IMPG1: variants seen among roughly 807,000 people sequenced by gnomAD.
IMPG1 encodes interphotoreceptor matrix proteoglycan 1, also known as interphotoreceptor matrix proteoglycan of 150 kDa.
In IMPG1, 85 loss-of-function variants were observed where a neutral mutation model predicts 92.0. The observed-to-expected ratio is 0.92, with a 90% confidence interval of 0.78 to 1.11. The LOEUF is 1.11. IMPG1 is among the 50% of genes least tolerant of loss of function. The pLI is 0.00. For missense variants in IMPG1, 1,022 were observed against 956.0 expected (o/e 1.07, Z -0.91); for synonymous variants, 367 against 334.1 (o/e 1.10, Z -1.08).
chr6:75,931,329 T>A (rs1282302140), intron 14 of IMPG1, among the ~76,000 whole-genome samples, 178 bp from the exon 15 acceptor site: 1 of 152,200 alleles, frequency 6.6e-6, no homozygotes, highest in Non-Finnish European at 1.5e-5. Context: ...AAAAATGAAT[T>A]TACAGACACA....
intron 4 of IMPG1, among the ~76,000 whole-genome samples, chr6:76,029,228 C>T (rs545315907): frequency 1.1e-4 from 16 of 152,344 alleles, no homozygotes; most frequent in African/African-American, 2.9e-4. Flanking sequence ...GAGGGGATCA[C>T]CCAACTCACA....
At chr6:75,928,025 AAAGAG>A (rs1398930829) in intron 15 of IMPG1, among the ~76,000 whole-genome samples, 2 of 152,126 alleles carry the variant, frequency 1.3e-5, no homozygotes, top group Non-Finnish European at 2.9e-5. Flanking sequence ...CTCACTAAAG[AAAGAG>A]AAATGTTTAA....
chr6:76,005,816 T>C (rs926178032), intron 9 of IMPG1, among the ~76,000 whole-genome samples: 1 of 151,716 alleles, frequency 6.6e-6, no homozygotes, highest in Admixed American at 6.6e-5. Flanking sequence ...ATTTTTACTT[T>C]AGGTTTTTTT....
intron 15 of IMPG1, among the ~76,000 whole-genome samples, chr6:75,929,562 G>A (rs530785432): frequency 8.3e-6 from 1 of 121,104 alleles, no homozygotes; most frequent in Admixed American, 8.8e-5. Context: ...GGTGGGGGGA[G>A]GGGGGAGGGA....
intron 1 of IMPG1, among the ~76,000 whole-genome samples, chr6:76,056,590 T>A (rs1784124167): frequency 6.6e-6 from 1 of 152,176 alleles, no homozygotes; most frequent in Admixed American, 6.6e-5. Context: ...TATTTTTAAT[T>A]TTTTGAAGAA....
chr6:75,938,398 G>T (rs1368844391), intron 14 of IMPG1, among the ~76,000 whole-genome samples: 1 of 152,152 alleles, frequency 6.6e-6, no homozygotes, highest in Non-Finnish European at 1.5e-5. Context: ...TTTCTACCCT[G>T]ACATTAAGCA....
At chr6:75,956,980 C>A (rs1476330053) in intron 12 of IMPG1, among the ~76,000 whole-genome samples, 5 of 152,090 alleles carry the variant, frequency 3.3e-5, no homozygotes, top group Middle Eastern at 3.2e-3. Flanking sequence ...AGTGCAGTGG[C>A]ATGATCTCAG....
chr6:75,955,254 G>A (rs1195387171), intron 12 of IMPG1, among the ~76,000 whole-genome samples: 5 of 152,174 alleles, frequency 3.3e-5, no homozygotes, highest in African/African-American at 1.2e-4. Context: ...AGAATGGAAT[G>A]TTTTTCCGTT....
At chr6:75,985,478 T>TA (rs2149471182) in intron 12 of IMPG1, among the ~76,000 whole-genome samples, 1 of 152,182 alleles carries the variant, frequency 6.6e-6, no homozygotes, top group African/African-American at 2.4e-5. Context: ...GCTGAGTCAT[T>TA]AGAGAAGAAA....
intron 14 of IMPG1, among the ~76,000 whole-genome samples, chr6:75,939,959 G>A (rs533812661): frequency 6.6e-6 from 1 of 152,150 alleles, no homozygotes; most frequent in Non-Finnish European, 1.5e-5. Flanking sequence ...CTTTTGTAAA[G>A]CATTCTGATG....
At chr6:76,032,081 T>C (rs897837473) in intron 4 of IMPG1, among the ~76,000 whole-genome samples, 14 of 152,242 alleles carry the variant, frequency 9.2e-5, no homozygotes, top group African/African-American at 3.4e-4. Context: ...TTTCTTTCTT[T>C]TTTGAAAACA....
intron 2 of IMPG1, among the ~76,000 whole-genome samples, chr6:76,038,754 G>A (rs1309659126): frequency 6.6e-6 from 1 of 152,144 alleles, no homozygotes; most frequent in Non-Finnish European, 1.5e-5. Context: ...CACAGTTGCC[G>A]GCCAATGCCT....
At chr6:75,988,718 C>T (rs773313353) in intron 12 of IMPG1, among the ~76,000 whole-genome samples, 3 of 152,136 alleles carry the variant, frequency 2.0e-5, no homozygotes, top group Admixed American at 1.3e-4. Flanking sequence ...CCTCCTTTCC[C>T]TGAACTAGCA....
intron 12 of IMPG1, among the ~76,000 whole-genome samples, chr6:76,002,358 G>T (rs1415635473): frequency 6.6e-6 from 1 of 152,104 alleles, no homozygotes; most frequent in Non-Finnish European, 1.5e-5. Context: ...TAACCTTCTT[G>T]GAGATTCAAA....
chr6:75,961,785 C>A (rs1458551853), intron 12 of IMPG1, among the ~76,000 whole-genome samples: 1 of 152,204 alleles, frequency 6.6e-6, no homozygotes, highest in African/African-American at 2.4e-5. Context: ...GGGAGAACAG[C>A]ATGGCCACAG....
chr6:75,999,077 G>A (rs138607329), intron 12 of IMPG1, among the ~76,000 whole-genome samples: 4,612 of 151,988 alleles, frequency 0.03, 220 homozygotes, highest in African/African-American at 0.1. Flanking sequence ...GGCTGGTCTC[G>A]AACTCCTGAC....
At chr6:76,035,808 T>C (rs748058470) in intron 2 of IMPG1, among the ~76,000 whole-genome samples, 1 of 152,178 alleles carries the variant, frequency 6.6e-6, no homozygotes, top group Non-Finnish European at 1.5e-5. Context: ...CTCTAGGTTA[T>C]CACACCAAGG....
chr6:76,055,897 C>G (rs1784113181), intron 1 of IMPG1, among the ~76,000 whole-genome samples: 1 of 151,902 alleles, frequency 6.6e-6, no homozygotes, highest in Non-Finnish European at 1.5e-5. Context: ...ATTATCATAA[C>G]CTTAAAAAAT....
intron 12 of IMPG1, among the ~76,000 whole-genome samples, chr6:75,974,017 T>C (rs556465819): frequency 6.6e-6 from 1 of 152,318 alleles, no homozygotes; most frequent in East Asian, 1.9e-4. Context: ...CAAGCTGTGA[T>C]CATTTGTAGA....
Sources: allele counts gnomAD v4.1 joint callset (sites outside exome capture counted in the v4.1 genomes callset), GRCh38; gene constraint gnomAD v4.1.1; transcripts MANE v1.5; gene names NCBI Gene and HGNC (gene_info 2026-07-23, HGNC 2026-07-21).